Variants in DIP2C observed in about 807,000 individuals in gnomAD.
DIP2C encodes disco-interacting protein 2 homolog C.
In DIP2C, 33 loss-of-function variants were observed where a neutral mutation model predicts 192.4. The observed-to-expected ratio is 0.17, with a 90% confidence interval of 0.13 to 0.23. The LOEUF (loss-of-function observed/expected upper bound fraction) is 0.23. Ranked by LOEUF, DIP2C falls within the 10% of genes least tolerant of loss-of-function variation. The pLI, the probability that DIP2C is intolerant of heterozygous loss-of-function variation, is 1.00. For synonymous variants in DIP2C, 979 were observed against 864.1 expected, an observed-to-expected ratio of 1.13 and a Z score of -2.33; for missense variants, 1,537 against 2,110.1, an observed-to-expected ratio of 0.73 and a Z score of 5.32.
rs1554897806 is a variant in DIP2C, at chr10:548,212, C to CCCA, written c.86-61683_86-61682insTGG. 8.3e-4 allele frequency among the ~76,000 whole-genome samples: 96 copies of CCCA among 115,692 alleles called. 8 individuals carry two copies. Among genetic ancestry groups the CCCA allele is most frequent in the Admixed American group, 2.4e-3 (29 of 12,018 alleles). 75.9% of individuals were successfully genotyped at this position (115,692 alleles called of 152,430 possible). A position where few individuals can be genotyped will look rare whatever the true frequency, so the allele number is the denominator to read the frequency against. ...CAATTCACACGAGTCTGCCCCACCCCCCCCCCCACAGGAAAGCCCTGGTGG... is the reference window on the plus strand; with the variant it reads ...CAATTCACACGAGTCTGCCCCACCCCCCACCCCCCCACAGGAAAGCCCTGGTGG... On this transcript the variant is annotated intron_variant, in intron 1 of 36. Transcript: ENST00000280886.
At chr10:662,420 T>G (rs3853290) in intron 1 of DIP2C, among the ~76,000 whole-genome samples, 2 of 152,216 alleles carry the variant, frequency 1.3e-5, no homozygotes, top group Non-Finnish European at 2.9e-5. Flanking sequence ...CTCCTGGATG[T>G]TCAAGGTGAC....
intron 1 of DIP2C, among the ~76,000 whole-genome samples, chr10:600,467 C>T (rs1851985071): frequency 6.6e-6 from 1 of 150,596 alleles, no homozygotes; most frequent in South Asian, 2.1e-4. Flanking sequence ...ACCCGACAGC[C>T]CTTTCCACCT....
At chr10:342,678 A>G (rs900356452) in intron 28 of DIP2C, among the ~76,000 whole-genome samples, 3 of 152,172 alleles carry the variant, frequency 2.0e-5, no homozygotes, top group Admixed American at 6.5e-5. Flanking sequence ...TGCCTGTGAC[A>G]TAAGTTAGAG....
At chr10:333,207 C>A (rs1957579927) in intron 29 of DIP2C, among the ~76,000 whole-genome samples, 1 of 151,730 alleles carries the variant, frequency 6.6e-6, no homozygotes, top group East Asian at 1.9e-4. Context: ...CCGGCCTATT[C>A]TTTTTAAAAC....
chr10:293,695 G>C (rs1004781426), intron 32 of DIP2C, among the ~76,000 whole-genome samples: 2 of 152,230 alleles, frequency 1.3e-5, no homozygotes, highest in East Asian at 1.9e-4. Context: ...TTTGCAACCA[G>C]TGAAGCACAT....
At chr10:596,596 A>G (rs1851722296) in intron 1 of DIP2C, among the ~76,000 whole-genome samples, 1 of 151,408 alleles carries the variant, frequency 6.6e-6, no homozygotes. Flanking sequence ...TTATTCAGCC[A>G]TGAGATACAT....
At chr10:536,759 G>A (rs1469200246) in intron 1 of DIP2C, among the ~76,000 whole-genome samples, 1 of 152,208 alleles carries the variant, frequency 6.6e-6, no homozygotes, top group African/African-American at 2.4e-5. Flanking sequence ...GGTTTTAACT[G>A]ATTAAACCTT....
chr10:433,293 G>GT (rs1966911778), intron 4 of DIP2C, among the ~76,000 whole-genome samples: 1 of 152,342 alleles, frequency 6.6e-6, no homozygotes, highest in South Asian at 2.1e-4. Flanking sequence ...TTTAAGGATT[G>GT]TTTTATCTTC....
At chr10:372,770 T>G (rs866574606) in intron 17 of DIP2C, among the ~76,000 whole-genome samples, 72 of 148,110 alleles carry the variant, frequency 4.9e-4, no homozygotes, top group African/African-American at 1.6e-3. Flanking sequence ...GACACACAGG[T>G]GGGCACAGAA....
At chr10:281,159 C>G in intron 36 of DIP2C, 41 bp downstream of exon 36, 1 of 1,607,400 alleles carries the variant, frequency 6.2e-7, no homozygotes, top group Non-Finnish European at 8.5e-7. Context: ...TTCACAAACT[C>G]TGCTCCTGAT....
intron 2 of DIP2C, chr10:484,820 T>TG (rs1341737786): frequency 6.2e-7 from 1 of 1,611,082 alleles, no homozygotes; most frequent in Non-Finnish European, 8.5e-7. Flanking sequence ...CCTGCGGTGC[T>TG]GGCCACCCGC....
chr10:465,990 T>C lies in DIP2C; in HGVS notation c.268+6449A>G, dbSNP rs190731486. Among the ~76,000 whole-genome samples the C allele has an allele frequency of 4.9e-3, 751 of 152,088 alleles. 19 individuals carry two copies. Among genetic ancestry groups the C allele is most frequent in the Admixed American group, 0.041 (624 of 15,260 alleles). On this transcript the variant is annotated intron_variant, in intron 3 of 36. Transcript: ENST00000280886. ...AAGGTGATTTACAGATTCAATGACA[T>C]CCCCATCAAGCTACCAATGACTTTC...
In DIP2C at chr10:292,493, T is replaced by C. The variant is rs111709422; in HGVS notation, c.3987-4072A>G. 9.8e-4 allele frequency among the ~76,000 whole-genome samples: 149 copies of C among 152,346 alleles called. 1 individual carries two copies. In the South Asian group the frequency reaches 0.014, roughly 14 times the overall value. On this transcript the variant is annotated intron_variant, in intron 32 of 36. Coordinates refer to ENST00000280886, the MANE Select transcript of DIP2C (RefSeq NM_014974.3). ...AGATAGAGAGTTGACATGAGGGAAC[T>C]TGCTACTAGCCTCTAACTTGCCCTG... is the stretch of plus-strand genomic sequence containing the variant.
intron 9 of DIP2C, among the ~76,000 whole-genome samples, chr10:401,767 A>G (rs928456032): frequency 2.0e-5 from 3 of 149,270 alleles, no homozygotes; most frequent in African/African-American, 7.4e-5. Flanking sequence ...CAGCATTAGC[A>G]TTACTCTTCC....
chr10:391,030 T>C (rs1963417793), intron 10 of DIP2C, among the ~76,000 whole-genome samples, 167 bp from the exon 11 acceptor site: 1 of 152,128 alleles, frequency 6.6e-6, no homozygotes, highest in Non-Finnish European at 1.5e-5. Context: ...TGAGACTGCA[T>C]GGCCTCAGTG....
At position 554,567 on chromosome 10, in the gene DIP2C, T is replaced by C. The variant is rs559753536; in HGVS notation, c.86-68037A>G. 2.0e-3 allele frequency among the ~76,000 whole-genome samples: 303 copies of C among 152,366 alleles called. 2 individuals carry two copies. Among genetic ancestry groups the C allele is most frequent in the Middle Eastern group, 0.01 (3 of 294 alleles). ...AATGGTGCGAGGAAGTGGGACCATG[T>C]GTTCCCGTGTTCTTGAGACACAGAA... On this transcript the variant is annotated intron_variant, in intron 1 of 36. Transcript: ENST00000280886.
intron 9 of DIP2C, among the ~76,000 whole-genome samples, chr10:401,462 G>A (rs1376660816): frequency 8.6e-5 from 13 of 150,452 alleles, no homozygotes; most frequent in Middle Eastern, 3.2e-3. Context: ...ATTCCTTATG[G>A]ACAAGTTTCG....
At chr10:318,201 C>T (rs984852350) in intron 31 of DIP2C, among the ~76,000 whole-genome samples, 14 of 152,180 alleles carry the variant, frequency 9.2e-5, no homozygotes, top group Middle Eastern at 3.2e-3. Flanking sequence ...ACATCTCAAC[C>T]GTCCTCCTGT....
intron 1 of DIP2C, among the ~76,000 whole-genome samples, chr10:614,770 G>T (rs573737871): frequency 5.3e-5 from 8 of 152,356 alleles, no homozygotes; most frequent in African/African-American, 1.9e-4. Context: ...TCCCTTGCCG[G>T]GTATCGCGGC....
Sources: gnomAD v4.1 joint callset for allele counts (sites outside exome capture counted in the v4.1 genomes callset) on GRCh38, gnomAD v4.1.1 for gene constraint, MANE v1.5 for transcripts, NCBI Gene and HGNC (gene_info 2026-07-23, HGNC 2026-07-21) for gene names.